Variants in ADD2 observed in about 807,000 individuals in gnomAD.
ADD2 encodes adducin 2.
A neutral mutation model predicts 83.0 loss-of-function variants in ADD2; 23 were observed. The observed-to-expected ratio is 0.28, with a 90% CI of 0.20 to 0.39. The LOEUF is 0.39. ADD2 is among the 10% of genes least tolerant of loss of function. The pLI is 1.00. For synonymous variants in ADD2, 375 were observed against 375.4 expected, an observed-to-expected ratio of 1.00 and a Z score of 0.01; for missense variants, 758 against 944.9, an observed-to-expected ratio of 0.80 and a Z score of 2.59.
At chr2:70,681,370 TG>T (rs1670439852) in intron 10 of ADD2, among the ~76,000 whole-genome samples, 1 of 152,184 alleles carries the variant, frequency 6.6e-6, no homozygotes, top group African/African-American at 2.4e-5. Flanking sequence ...TGAATCTTCC[TG>T]GCACAGTGGC....
chr2:70,699,370 T>G (rs1333358895), intron 4 of ADD2, among the ~76,000 whole-genome samples: 1 of 152,070 alleles, frequency 6.6e-6, no homozygotes, highest in Non-Finnish European at 1.5e-5. Flanking sequence ...AAAATATCCA[T>G]AAGCATCTAG....
chr2:70,766,464 T>C (rs1009906062), intron 1 of ADD2, among the ~76,000 whole-genome samples: 2 of 152,236 alleles, frequency 1.3e-5, no homozygotes, highest in Non-Finnish European at 2.9e-5. Flanking sequence ...ATTATTCATA[T>C]GCTAATGGAG....
chr2:70,682,934 C>T (rs1177218655), intron 10 of ADD2, among the ~76,000 whole-genome samples: 2 of 151,316 alleles, frequency 1.3e-5, no homozygotes, highest in Non-Finnish European at 2.9e-5. Context: ...ATGAAATGGA[C>T]AGAAAGACAG....
intron 1 of ADD2, among the ~76,000 whole-genome samples, chr2:70,747,298 C>CT (rs1674260640): frequency 6.6e-6 from 1 of 152,202 alleles, no homozygotes; most frequent in Non-Finnish European, 1.5e-5. Flanking sequence ...GCGTGAGCCA[C>CT]CATGCCCAGC....
chr2:70,745,982 T>A (rs1432580211), intron 1 of ADD2, among the ~76,000 whole-genome samples: 1 of 152,184 alleles, frequency 6.6e-6, no homozygotes, highest in Non-Finnish European at 1.5e-5. Flanking sequence ...AACCTACAGG[T>A]TATGGAAATG....
intron 15 of ADD2, among the ~76,000 whole-genome samples, chr2:70,669,798 C>G (rs1669826655): frequency 6.6e-6 from 1 of 152,170 alleles, no homozygotes; most frequent in African/African-American, 2.4e-5. Flanking sequence ...GTCCAACAAC[C>G]CTGATGGAAA....
At chr2:70,673,860 G>A (rs1284012975) in intron 14 of ADD2, among the ~76,000 whole-genome samples, 6 of 152,004 alleles carry the variant, frequency 3.9e-5, no homozygotes, top group Non-Finnish European at 7.4e-5. Flanking sequence ...GCCTCCCAAC[G>A]TGCTGGGATT....
At chr2:70,714,078 T>C (rs1386477045) in intron 1 of ADD2, among the ~76,000 whole-genome samples, 1 of 152,038 alleles carries the variant, frequency 6.6e-6, no homozygotes, top group African/African-American at 2.4e-5. Flanking sequence ...GAATATAAAG[T>C]TGTTAATACC....
chr2:70,754,629 C>T (rs1674679983), intron 1 of ADD2, among the ~76,000 whole-genome samples: 1 of 152,118 alleles, frequency 6.6e-6, no homozygotes, highest in Non-Finnish European at 1.5e-5. Context: ...TTACTCATTC[C>T]TGCCGACGTT....
intron 1 of ADD2, among the ~76,000 whole-genome samples, chr2:70,751,667 T>C (rs149718982): frequency 6.6e-6 from 1 of 152,350 alleles, no homozygotes; most frequent in East Asian, 1.9e-4. Context: ...GCTTAACTGC[T>C]CTTCTCCAAT....
At chr2:70,763,055 T>C (rs1675201228) in intron 1 of ADD2, among the ~76,000 whole-genome samples, 7 of 151,982 alleles carry the variant, frequency 4.6e-5, no homozygotes, top group Admixed American at 4.6e-4. Flanking sequence ...ACAGATCACT[T>C]AGGTACAAAG....
In ADD2 at chr2:70,706,481, C is replaced by T. The variant is rs782059968; in HGVS notation, c.-34-39G>A. ...GAGAGGGTATGCGGTCAGGTTGGTGCTCCCCATCGGGGTACACGTTTCTCA... is the reference window on the plus strand; with the variant it reads ...GAGAGGGTATGCGGTCAGGTTGGTGTTCCCCATCGGGGTACACGTTTCTCA... On this transcript the variant is annotated intron_variant, in intron 2 of 15. Transcript: ENST00000264436. This position sits in a 1 kb window ranked among gnomAD's most constrained non-coding sequence, Gnocchi z 5.0. 3.3e-6 allele frequency: 5 copies of T among 1,518,568 alleles called. No homozygotes were observed. The highest frequency in any genetic ancestry group is 2.5e-5 in the South Asian group (2 of 80,060). The allele number at this position is 1,518,568 out of a possible 1,614,324, so 94.1% of individuals were successfully genotyped here.
At chr2:70,735,858 CTTTTTTTT>C (rs374727628) in intron 1 of ADD2, among the ~76,000 whole-genome samples, 29 of 72,518 alleles carry the variant, frequency 4.0e-4, no homozygotes, top group Admixed American at 1.6e-3. Context: ...CCATGCCCGG[CTTTTTTTT>C]TTTTTTTTTT....
intron 3 of ADD2, among the ~76,000 whole-genome samples, chr2:70,705,980 TC>T (rs1215782797): frequency 3.9e-5 from 6 of 152,152 alleles, no homozygotes; most frequent in Non-Finnish European, 8.8e-5. Flanking sequence ...TGAGGGGGAC[TC>T]CTGTCTCCGT....
At chr2:70,704,263 T>TGGGCCCCCCCCCCC in intron 4 of ADD2, 58 bp downstream of exon 4, 5 of 913,238 alleles carry the variant, frequency 5.5e-6, no homozygotes, top group Admixed American at 2.1e-5. Context: ...CTCCCTCTCT[T>TGGGCCCCCCCCCCC]CCCCACCCCA....
intron 1 of ADD2, among the ~76,000 whole-genome samples, chr2:70,731,670 C>A (rs1553379306): frequency 6.6e-6 from 1 of 152,180 alleles, no homozygotes; most frequent in African/African-American, 2.4e-5. Context: ...TTCCTCAAGG[C>A]CCAATGATCA....
chr2:70,705,723 G>A (rs1469864644), intron 3 of ADD2, among the ~76,000 whole-genome samples: 3 of 152,084 alleles, frequency 2.0e-5, no homozygotes, highest in Non-Finnish European at 4.4e-5. Context: ...CCCACAGCCC[G>A]GCTGAGCCCT....
At chr2:70,756,897 C>T (rs1470558209) in intron 1 of ADD2, among the ~76,000 whole-genome samples, 6 of 151,830 alleles carry the variant, frequency 4.0e-5, no homozygotes, top group East Asian at 1.9e-4. Context: ...GGTGTGATCT[C>T]GGCTCACTGC....
chr2:70,721,527 C>A (rs1029683105), intron 1 of ADD2, among the ~76,000 whole-genome samples: 1 of 152,130 alleles, frequency 6.6e-6, no homozygotes, highest in Admixed American at 6.5e-5. Context: ...TGTATTTTCT[C>A]AAGATATTTC....
Sources: gnomAD v4.1 joint callset for allele counts (sites outside exome capture counted in the v4.1 genomes callset) on GRCh38, gnomAD v4.1.1 for gene constraint, Gnocchi (gnomAD v3.1) non-coding constraint, MANE v1.5 for transcripts, NCBI Gene and HGNC (gene_info 2026-07-23, HGNC 2026-07-21) for gene names.